The following C5 variants were observed in gnomAD, a reference collection of about 807,000 sequenced individuals.
The protein encoded by C5 is complement C5.
Under a neutral mutation model 218.8 loss-of-function variants are expected in C5, and 140 were observed. The observed-to-expected ratio is 0.64, with a 90% CI of 0.56 to 0.74. C5 has a LOEUF of 0.74. C5 is among the 30% of genes least tolerant of loss of function. The pLI is 0.00. For missense variants in C5, 1,700 were observed against 1,969.6 expected (o/e 0.86, Z 2.59); for synonymous variants, 614 against 682.3 (o/e 0.90, Z 1.56).
At chr9:121,014,132 A>G (rs1354914055) in intron 16 of C5, 62 bp from the exon 17 acceptor site, 9 of 1,387,350 alleles carry the variant, frequency 6.5e-6, no homozygotes, top group Non-Finnish European at 9.2e-6. Context: ...CAGGCTTAGA[A>G]GGAATCTCAA....
At chr9:120,985,078 C>T (rs910535872) in intron 25 of C5, among the ~76,000 whole-genome samples, 3 of 152,054 alleles carry the variant, frequency 2.0e-5, no homozygotes, top group Non-Finnish European at 2.9e-5. Context: ...GTGTCTCATC[C>T]CTGGTATCCT....
intron 11 of C5, among the ~76,000 whole-genome samples, chr9:121,021,149 T>C (rs2047361837): frequency 6.6e-6 from 1 of 152,194 alleles, no homozygotes; most frequent in Non-Finnish European, 1.5e-5. Flanking sequence ...GAGGCTTCCA[T>C]ATTTTTGACC....
At chr9:120,981,200 C>T (rs1413395014) in intron 27 of C5, among the ~76,000 whole-genome samples, 1 of 152,210 alleles carries the variant, frequency 6.6e-6, no homozygotes, top group Non-Finnish European at 1.5e-5. Context: ...CCACTAGGTG[C>T]CTGGGAACTA....
rs183604915 is a variant in C5, at chr9:120,986,788, T to C, written c.3230+2258A>G. On this transcript the variant is annotated intron_variant, in intron 25 of 40. Transcript: ENST00000223642. ...ATTTTTTTATATTTTTATTGTTTTA[T>C]TAAAGACAGGGTCTCCCTATGTTAC... is the stretch of plus-strand genomic sequence containing the variant. Among the ~76,000 whole-genome samples, 5 of 152,278 alleles carry C rather than the reference T, an allele frequency of 3.3e-5. No individual in the cohort carries two copies. The East Asian group carries it at 9.6e-4, about 29-fold the overall frequency.
chr9:121,027,728 AACCATAAAAACGCT>A (rs1236758894), intron 7 of C5, among the ~76,000 whole-genome samples: 1 of 152,214 alleles, frequency 6.6e-6, no homozygotes. Context: ...GTAGACCTAA[AACCATAAAAACGCT>A]AGAAGAAAAC....
At chr9:121,005,054 A>G (rs1434672619) in intron 20 of C5, among the ~76,000 whole-genome samples, 1 of 152,198 alleles carries the variant, frequency 6.6e-6, no homozygotes, top group African/African-American at 2.4e-5. Flanking sequence ...ATTTTAGGAA[A>G]CCACTGAAAT....
Position 121,017,855 on chromosome 9 carries a change from A to G in C5, c.1507-3T>C. 5.7e-6 allele frequency: 9 copies of G among 1,571,690 alleles called. No individual in the cohort carries two copies. The highest frequency in any genetic ancestry group is 7.0e-6 in the Non-Finnish European group (8 of 1,141,638). On this transcript the variant is annotated splice_region_variant and splice_polypyrimidine_tract_variant and intron_variant, in intron 12 of 40. Transcript: ENST00000223642. ...ATAATTTTGCCCTTGGATAAAATCT[A>G]AAAATAAACAGCAGCAGCAACAATA...
At chr9:120,988,071 G>A (rs555818251) in intron 25 of C5, among the ~76,000 whole-genome samples, 9 of 152,282 alleles carry the variant, frequency 5.9e-5, no homozygotes, top group African/African-American at 1.9e-4. Context: ...GATTACAGGC[G>A]TGAGCCACCA....
At chr9:121,041,754 T>A (rs1459049076) in intron 3 of C5, among the ~76,000 whole-genome samples, 1 of 151,866 alleles carries the variant, frequency 6.6e-6, no homozygotes, top group Admixed American at 6.6e-5. Flanking sequence ...AGAGAGATGA[T>A]ATGCTTGTTT....
At chr9:121,027,525 T>G (rs1477831416) in intron 7 of C5, among the ~76,000 whole-genome samples, 2 of 152,114 alleles carry the variant, frequency 1.3e-5, no homozygotes, top group African/African-American at 4.8e-5. Context: ...AACAGAGGCC[T>G]CAGAAATAAC....
In C5 at chr9:120,994,592, C is replaced by CA. The variant is rs35021159; in HGVS notation, c.2851+1647dup. Among the ~76,000 whole-genome samples, 104 of 147,604 alleles carry CA rather than the reference C, an allele frequency of 7.0e-4. 3 individuals carry two copies. The highest frequency in any genetic ancestry group is 3.5e-3 in the Middle Eastern group (1 of 286). Reference sequence around the variant, plus strand: ...AGTGAGACCCTGTCCCCCCACCCCACAAAAAAAAAATAATAAATATTAGAA... The same window carrying CA: ...AGTGAGACCCTGTCCCCCCACCCCACAAAAAAAAAAATAATAAATATTAGAA... On this transcript the variant is annotated intron_variant, in intron 22 of 40. Coordinates refer to ENST00000223642, the MANE Select transcript of C5 (RefSeq NM_001735.3).
chr9:121,031,881 T>C (rs1355362386), intron 6 of C5, among the ~76,000 whole-genome samples: 1 of 152,064 alleles, frequency 6.6e-6, no homozygotes, highest in Non-Finnish European at 1.5e-5. Flanking sequence ...CTGGCCAAGA[T>C]GGTGACACCC....
rs774607595 is a variant in C5, at chr9:121,020,004, A to G, written c.1478T>C (p.Ile493Thr). ...NIIVTPKSPY[I>T]DKITHYNYLI... ...GTAATTATAGTGAGTTATTTTGTCA[A>G]TATATGGGCTTTTGGGGGTAACAAT... Residue 493 changes from isoleucine (I) to threonine (T), a missense_variant, in exon 12 of 41, where the codon ATT becomes ACT. Transcript: ENST00000223642. The G allele has an allele frequency of 6.2e-7, 1 of 1,608,056 alleles. No homozygotes were observed. Among genetic ancestry groups the G allele is most frequent in the Non-Finnish European group, 8.5e-7 (1 of 1,174,628 alleles).
At chr9:121,070,279 C>G in the C5 span, among the ~76,000 whole-genome samples, 31 of 151,196 alleles carry the variant, frequency 2.1e-4, no homozygotes, top group Non-Finnish European at 2.5e-4. Context: ...ATCGCTTGAA[C>G]CTAGGAGGCA....
chr9:121,043,973 T>A (rs2047603553), intron 2 of C5, among the ~76,000 whole-genome samples: 1 of 152,028 alleles, frequency 6.6e-6, no homozygotes, highest in South Asian at 2.1e-4. Context: ...ATTTAATGCA[T>A]GAAAAGTGAT....
At position 120,989,187 on chromosome 9, in the gene C5, A is replaced by G. The variant is rs1587963219; in HGVS notation, c.3155-66T>C. On this transcript the variant is annotated intron_variant, in intron 24 of 40. Transcript: ENST00000223642. ...TCCGTTTCTACTCAAAGAACACTTT[A>G]TCAGGCCCTGAGAATGGTAAGCTTC... The G allele has an allele frequency of 3.2e-6, 4 of 1,268,418 alleles. No individual in the cohort carries two copies. The East Asian group carries it at 9.2e-5, about 29-fold the overall frequency. The allele number at this position is 1,268,418 out of a possible 1,614,324, so 78.6% of individuals were successfully genotyped here. A position where few individuals can be genotyped will look rare whatever the true frequency, so the allele number is the denominator to read the frequency against.
intron 5 of C5, among the ~76,000 whole-genome samples, chr9:121,033,618 T>C (rs576726695): frequency 1.3e-5 from 2 of 152,346 alleles, no homozygotes; most frequent in East Asian, 3.9e-4. Context: ...AGTAATAAAA[T>C]AATAGGTTTA....
At chr9:121,037,812 G>C (rs965494522) in intron 4 of C5, 69 bp downstream of exon 4, 54 of 706,022 alleles carry the variant, frequency 7.6e-5, no homozygotes, top group Middle Eastern at 3.8e-4. Flanking sequence ...TGTGAGGACA[G>C]GGTTATGAAA....
intron 4 of C5, among the ~76,000 whole-genome samples, chr9:121,036,262 C>T (rs1204586302): frequency 6.6e-6 from 1 of 152,102 alleles, no homozygotes; most frequent in Non-Finnish European, 1.5e-5. Flanking sequence ...GTGCACAATT[C>T]TTCTAAGATC....
Sources: gnomAD v4.1 joint callset for allele counts (sites outside exome capture counted in the v4.1 genomes callset) on GRCh38, gnomAD v4.1.1 for gene constraint, MANE v1.5 for transcripts, NCBI Gene and HGNC (gene_info 2026-07-23, HGNC 2026-07-21) for gene names.